The following ZNF280D variants were observed in gnomAD, a reference collection of about 807,000 sequenced individuals.
ZNF280D encodes the protein zinc finger protein 280D.
In ZNF280D, 39 loss-of-function variants were observed where a neutral mutation model predicts 94.7. That is an observed-to-expected ratio of 0.41 (90% CI 0.32 to 0.54). The LOEUF (loss-of-function observed/expected upper bound fraction) is 0.54, where lower values mean the gene tolerates loss of function less well. ZNF280D is among the 20% of genes least tolerant of loss of function. The pLI is 0.22. For missense variants in ZNF280D, 1,090 were observed against 1,149.3 expected (o/e 0.95, Z 0.75); for synonymous variants, 398 against 377.6 (o/e 1.05, Z -0.63).
chr15:56,702,539 A>G (rs2057139492), intron 4 of ZNF280D, among the ~76,000 whole-genome samples: 1 of 152,208 alleles, frequency 6.6e-6, no homozygotes, highest in East Asian at 1.9e-4. Flanking sequence ...AATACCATGA[A>G]GAGTCATCTA....
intron 9 of ZNF280D, among the ~76,000 whole-genome samples, chr15:56,688,480 A>T (rs2056196244): frequency 7.6e-6 from 1 of 131,738 alleles, no homozygotes; most frequent in Non-Finnish European, 1.6e-5. Context: ...ACAGAGCGAG[A>T]CTCCGTCTCA....
At chr15:56,727,942 T>C (rs555298285) in intron 1 of ZNF280D, among the ~76,000 whole-genome samples, 1 of 152,344 alleles carries the variant, frequency 6.6e-6, no homozygotes, top group South Asian at 2.1e-4. Flanking sequence ...ACAATATTTT[T>C]ACATTAAGAA....
intron 1 of ZNF280D, among the ~76,000 whole-genome samples, chr15:56,715,355 A>G (rs2057985570): frequency 1.3e-5 from 2 of 152,156 alleles, no homozygotes; most frequent in Admixed American, 1.3e-4. Context: ...TAAGAATCCT[A>G]TTCCCTCTCC....
At position 56,654,414 on chromosome 15, in the gene ZNF280D, G is replaced by C; in HGVS notation, c.2147C>G (p.Thr716Ser). 6.2e-7 allele frequency: 1 copy of C among 1,608,740 alleles called. No homozygotes were observed. Among genetic ancestry groups the C allele is most frequent in the Non-Finnish European group, 8.5e-7 (1 of 1,178,660 alleles). ...CTGCATTACAACTTGGCAAGTATGA[G>C]TTTTATGTTGACTTAAGTGTGTAGC... ...NMATHLSQHKTHTCQVVMQKV... is the reference protein window; with the variant it reads ...NMATHLSQHKSHTCQVVMQKV... Residue 716 changes from threonine (T) to serine (S), a missense_variant, in exon 18 of 22, where the codon ACT becomes AGT. Thr to Ser is a moderately conservative substitution (Grantham distance 58). This residue lies in a region of ZNF280D where 577 missense variants were observed against 568.8 expected (regional missense o/e 1.01). Transcript: ENST00000267807.
In ZNF280D at chr15:56,689,020, TA is replaced by T. The variant is rs778226628; in HGVS notation, c.780+20del. 6.5e-7 allele frequency: 1 copy of T among 1,535,970 alleles called. No individual in the cohort carries two copies. The highest frequency in any genetic ancestry group is 1.2e-5 in the South Asian group (1 of 83,006). The stretch of plus-strand genomic sequence containing the variant: ...AGAAATGTGCAAACTTTTTACAAAT[TA>T]AATTTTGAAAGAGTTTTACCTTCAT... On this transcript the variant is annotated intron_variant, in intron 9 of 21. Transcript: ENST00000267807.
Position 56,701,078 on chromosome 15 carries a change from T to C in ZNF280D, c.242-6A>G. 1 of 1,613,394 alleles carries C rather than the reference T, an allele frequency of 6.2e-7. No individual in the cohort carries two copies. The highest frequency in any genetic ancestry group is 8.5e-7 in the Non-Finnish European group (1 of 1,179,568). The stretch of plus-strand genomic sequence containing the variant: ...CTTGAATGCAGCAGTAATACCTGTA[T>C]TTTAAAGTAACACAATATATGGAAA... On this transcript the variant is annotated splice_polypyrimidine_tract_variant and splice_region_variant and intron_variant, in intron 5 of 21. Transcript: ENST00000267807.
chr15:56,698,037 T>C (rs548597496), intron 6 of ZNF280D: 1 of 152,340 alleles, frequency 6.6e-6, no homozygotes, highest in Non-Finnish European at 1.5e-5. Flanking sequence ...AGTGTTTTAA[T>C]AGGGTTTTAA....
chr15:56,732,976 G>A (rs1325070907), intron 1 of ZNF280D: 1 of 152,324 alleles, frequency 6.6e-6, no homozygotes, highest in African/African-American at 2.4e-5. Flanking sequence ...CAAAATGAGG[G>A]GCCCTGTGCC....
intron 20 of ZNF280D, among the ~76,000 whole-genome samples, chr15:56,638,208 G>A (rs1451763302): frequency 6.6e-6 from 1 of 152,168 alleles, no homozygotes; most frequent in African/African-American, 2.4e-5. Context: ...AATATTTACT[G>A]TGAGTGCTTG....
At chr15:56,705,855 TATA>T (rs2057371445) in intron 3 of ZNF280D, among the ~76,000 whole-genome samples, 2 of 152,046 alleles carry the variant, frequency 1.3e-5, no homozygotes, top group Admixed American at 6.6e-5. Flanking sequence ...GCACATGGCA[TATA>T]ATAATCTATG....
chr15:56,688,489 C>CA (rs55861049), intron 9 of ZNF280D, among the ~76,000 whole-genome samples: 859 of 75,870 alleles, frequency 0.011, 9 homozygotes, highest in Non-Finnish European at 0.014. Flanking sequence ...GACTCCGTCT[C>CA]AAAAAAAAAA....
At chr15:56,676,619 G>C (rs781402695) in intron 13 of ZNF280D, 51 bp downstream of exon 13, 5 of 1,494,020 alleles carry the variant, frequency 3.3e-6, no homozygotes, top group Non-Finnish European at 4.5e-6. Context: ...GTCATAATCA[G>C]TTTTTTCACT....
At chr15:56,676,915 T>C in intron 12 of ZNF280D, 99 bp from the exon 13 acceptor site, 1 of 930,172 alleles carries the variant, frequency 1.1e-6, no homozygotes, top group East Asian at 2.5e-5. Flanking sequence ...GAACATTATG[T>C]ACTACTAATC....
At chr15:56,693,244 A>T in intron 6 of ZNF280D, 29 bp from the exon 7 acceptor site, 1 of 914,366 alleles carries the variant, frequency 1.1e-6, no homozygotes, top group Non-Finnish European at 1.6e-6. Context: ...GAAAAATAAT[A>T]CATTTATTCA....
chr15:56,672,685 G>A (rs1217434155), intron 13 of ZNF280D, among the ~76,000 whole-genome samples: 1 of 151,498 alleles, frequency 6.6e-6, no homozygotes, highest in African/African-American at 2.4e-5. Context: ...GTTTGTTTTT[G>A]GCACAACCAA....
intron 1 of ZNF280D, among the ~76,000 whole-genome samples, chr15:56,719,368 C>G (rs1374178964): frequency 2.1e-5 from 3 of 145,018 alleles, no homozygotes; most frequent in South Asian, 2.2e-4. Flanking sequence ...AAAAAAAAAG[C>G]CTGGCACCTC....
intron 6 of ZNF280D, among the ~76,000 whole-genome samples, chr15:56,694,868 A>T (rs951159336): frequency 1.3e-5 from 2 of 152,190 alleles, no homozygotes; most frequent in Admixed American, 6.5e-5. Flanking sequence ...AGTTGTGATA[A>T]GATGTTAAAA....
intron 1 of ZNF280D, 31 bp from the exon 2 acceptor site, chr15:56,707,337 G>T: frequency 3.3e-6 from 5 of 1,507,106 alleles, no homozygotes; most frequent in Non-Finnish European, 3.5e-6. Flanking sequence ...CTATTAGGGT[G>T]GACTTCATTA....
In ZNF280D at chr15:56,668,857, G is replaced by C. The variant is rs1420839927; in HGVS notation, c.1511C>G (p.Pro504Arg). 6.2e-7 allele frequency: 1 copy of C among 1,609,098 alleles called. No individual in the cohort carries two copies. The highest frequency in any genetic ancestry group is 8.5e-7 in the Non-Finnish European group (1 of 1,177,958). Residue 504 changes from proline (P) to arginine (R), a missense_variant, in exon 14 of 22, where the codon CCT (proline) becomes CGT (arginine). Around this residue, in one of 3 missense-constraint regions of ZNF280D, gnomAD observed 577 missense variants for 568.8 expected, o/e 1.01. Transcript: ENST00000267807. ...AGGAGGCAATCCTTCTAGTTGTTTA[G>C]GTTTTATAAATGTTCGATGGTGTTG... ...KTQHHRTFIK[P>R]KQLEGLPPGT...
Sources: gnomAD v4.1 joint callset for allele counts (sites outside exome capture counted in the v4.1 genomes callset) on GRCh38, gnomAD v4.1.1 for gene constraint, gnomAD v4.1.1 regional missense constraint, MANE v1.5 for transcripts, NCBI Gene and HGNC (gene_info 2026-07-23, HGNC 2026-07-21) for gene names.